MSRB3: variants seen among roughly 807,000 people sequenced by gnomAD.
The protein encoded by MSRB3 is methionine-R-sulfoxide reductase B3.
A neutral mutation model predicts 21.0 loss-of-function variants in MSRB3; 13 were observed. That is an observed-to-expected ratio of 0.62 (90% CI 0.40 to 0.98). The LOEUF is 0.98. Among genes scored for constraint, MSRB3 ranks in the 50% least tolerant of loss-of-function variants. The pLI is 0.00. For missense variants in MSRB3, 199 were observed against 230.3 expected (o/e 0.86, Z 0.88); for synonymous variants, 87 against 88.6 (o/e 0.98, Z 0.10).
At chr12:65,364,036 G>T (rs1180929581) in intron 4 of MSRB3, among the ~76,000 whole-genome samples, 1 of 152,022 alleles carries the variant, frequency 6.6e-6, no homozygotes, top group Non-Finnish European at 1.5e-5. Flanking sequence ...TATGGCAGTT[G>T]CATAGGTGCC....
chr12:65,306,122 CTG>C (rs1873639046), intron 1 of MSRB3, among the ~76,000 whole-genome samples: 1 of 152,168 alleles, frequency 6.6e-6, no homozygotes, highest in African/African-American at 2.4e-5. Flanking sequence ...CCCAGATGGT[CTG>C]TGTTCACGGA....
At chr12:65,308,849 G>A in intron 2 of MSRB3, 194 bp downstream of exon 2, 1 of 712,938 alleles carries the variant, frequency 1.4e-6, no homozygotes, top group Non-Finnish European at 2.4e-6. Flanking sequence ...TACAACCCTT[G>A]GAACATTGTC....
chr12:65,437,844 A>G (rs1383961998), intron 5 of MSRB3, among the ~76,000 whole-genome samples: 2 of 151,936 alleles, frequency 1.3e-5, no homozygotes, highest in East Asian at 1.9e-4. Context: ...GATTTTTGCT[A>G]GAAGTTTTGC....
At chr12:65,347,713 C>G (rs532902853) in intron 4 of MSRB3, among the ~76,000 whole-genome samples, 1 of 152,162 alleles carries the variant, frequency 6.6e-6, no homozygotes, top group African/African-American at 2.4e-5. Flanking sequence ...TATGACATTG[C>G]CTGTGGGTTT....
At chr12:65,435,282 A>G (rs2136670465) in intron 5 of MSRB3, among the ~76,000 whole-genome samples, 1 of 152,052 alleles carries the variant, frequency 6.6e-6, no homozygotes, top group South Asian at 2.1e-4. Context: ...CTTTTGGCCA[A>G]GATCAAATCT....
rs368104588 is a variant in MSRB3, at chr12:65,278,850, G to A, written c.-67G>A. 1.9e-6 allele frequency: 3 copies of A among 1,562,098 alleles called. No individual in the cohort carries two copies. The highest frequency in any genetic ancestry group is 2.6e-6 in the Non-Finnish European group (3 of 1,152,976). On this transcript the variant is annotated 5_prime_UTR_variant, in exon 1 of 7. Coordinates refer to ENST00000308259, the MANE Select transcript of MSRB3 (RefSeq NM_001031679.3). Reference sequence around the variant, plus strand: ...CTGCCTCTGCCTGGCCGCGGCTCTGGGAAGTGCGCAGTCCGGTAAGTTCGG... The same window carrying A: ...CTGCCTCTGCCTGGCCGCGGCTCTGAGAAGTGCGCAGTCCGGTAAGTTCGG...
At chr12:65,350,454 C>T (rs200773586) in intron 4 of MSRB3, among the ~76,000 whole-genome samples, 5,878 of 151,012 alleles carry the variant, frequency 0.039, 237 homozygotes, top group South Asian at 0.091. Context: ...CAAATTCACA[C>T]GTAACAATAT....
At chr12:65,392,978 A>C (rs954542310) in intron 5 of MSRB3, among the ~76,000 whole-genome samples, 2 of 152,156 alleles carry the variant, frequency 1.3e-5, no homozygotes, top group Admixed American at 6.5e-5. Context: ...AGGATTACAA[A>C]GTTTCTTAGT....
chr12:65,337,191 G>C (rs1308673599), intron 4 of MSRB3, among the ~76,000 whole-genome samples: 2 of 151,806 alleles, frequency 1.3e-5, no homozygotes, highest in African/African-American at 4.8e-5. Flanking sequence ...TGCAGTGAGC[G>C]GAGATCGCGC....
Position 65,308,465 on chromosome 12 carries a change from T to C in MSRB3, c.-51-64T>C, listed in dbSNP as rs1160649908. The C allele has an allele frequency of 4.4e-6, 7 of 1,573,332 alleles. No homozygotes were observed. In the African/African-American group the frequency reaches 8.1e-5, roughly 18 times the overall value. ...AAAACTGTAACCATCAGTTGTGCAATGAATGTGTTTAATATTTGTGATGTT... is the reference window on the plus strand; with the variant it reads ...AAAACTGTAACCATCAGTTGTGCAACGAATGTGTTTAATATTTGTGATGTT... On this transcript the variant is annotated intron_variant, in intron 1 of 6. Transcript: ENST00000308259.
intron 5 of MSRB3, among the ~76,000 whole-genome samples, chr12:65,402,961 G>T (rs1208044793): frequency 6.6e-6 from 1 of 152,204 alleles, no homozygotes; most frequent in East Asian, 1.9e-4. Context: ...ATTGCTGCCT[G>T]TTCGTTCCTC....
At chr12:65,324,651 G>A (rs1874899294) in intron 2 of MSRB3, among the ~76,000 whole-genome samples, 1 of 152,200 alleles carries the variant, frequency 6.6e-6, no homozygotes, top group Admixed American at 6.5e-5. Flanking sequence ...TCATGAGAGA[G>A]GGAGAATGAA....
chr12:65,444,764 G>A (rs1882538451), intron 5 of MSRB3, among the ~76,000 whole-genome samples: 1 of 152,130 alleles, frequency 6.6e-6, no homozygotes, highest in African/African-American at 2.4e-5. Context: ...TTATGTGACT[G>A]CTGTCTGTCC....
intron 5 of MSRB3, among the ~76,000 whole-genome samples, chr12:65,449,707 G>T (rs889311805): frequency 6.6e-6 from 1 of 152,176 alleles, no homozygotes; most frequent in African/African-American, 2.4e-5. Flanking sequence ...GGGTTCTGTT[G>T]ATGAGTCATG....
intron 5 of MSRB3, among the ~76,000 whole-genome samples, chr12:65,447,052 G>A (rs188137241): frequency 2.0e-5 from 3 of 152,218 alleles, no homozygotes; most frequent in Admixed American, 1.3e-4. Flanking sequence ...TGCTATTGAG[G>A]TGTTGATATT....
At chr12:65,350,378 C>T (rs535124804) in intron 4 of MSRB3, among the ~76,000 whole-genome samples, 21 of 151,960 alleles carry the variant, frequency 1.4e-4, no homozygotes, top group African/African-American at 4.8e-4. Flanking sequence ...TAAAGACCAT[C>T]GAGACTAGGA....
At chr12:65,401,838 T>C (rs1880143555) in intron 5 of MSRB3, among the ~76,000 whole-genome samples, 2 of 152,224 alleles carry the variant, frequency 1.3e-5, no homozygotes, top group African/African-American at 4.8e-5. Flanking sequence ...TTTGCTTGTC[T>C]GTAGAGGATT....
At chr12:65,379,941 ATATGAG>A (rs1192674270) in intron 5 of MSRB3, among the ~76,000 whole-genome samples, 2 of 152,246 alleles carry the variant, frequency 1.3e-5, no homozygotes, top group East Asian at 3.9e-4. Context: ...GGCGAAGGAC[ATATGAG>A]TATGAGACAG....
At position 65,280,307 on chromosome 12, in the gene MSRB3, G is replaced by C. The variant is rs747988618; in HGVS notation, c.-52+1442G>C. Among the ~76,000 whole-genome samples, 13 of 152,030 alleles carry C rather than the reference G, an allele frequency of 8.6e-5. 1 individual carries two copies. Among genetic ancestry groups the C allele is most frequent in the Admixed American group, 3.9e-4 (6 of 15,276 alleles). ...CTGTTTTTTATAGATTCATATTTTG[G>C]AAGTAACTTTAATAGCACTTCTTGG... On this transcript the variant is annotated intron_variant, in intron 1 of 6. Transcript: ENST00000308259.
Sources: gnomAD v4.1 joint callset for allele counts (sites outside exome capture counted in the v4.1 genomes callset) on GRCh38, gnomAD v4.1.1 for gene constraint, MANE v1.5 for transcripts, NCBI Gene and HGNC (gene_info 2026-07-23, HGNC 2026-07-21) for gene names.